RBFOX1: variants seen among roughly 807,000 people sequenced by gnomAD.
RBFOX1 encodes RNA binding fox-1 homolog 1.
RBFOX1 carries 8 observed loss-of-function variants against 57.7 expected under a neutral mutation model. The ratio of observed to expected loss-of-function variants is 0.14; its 90% confidence interval spans 0.08 to 0.25. RBFOX1 has a LOEUF of 0.25. Ranked by LOEUF, RBFOX1 falls within the 10% of genes least tolerant of loss-of-function variation. RBFOX1 has a pLI of 1.00. For missense variants in RBFOX1, 611 were observed against 548.5 expected (o/e 1.11, Z -1.14); for synonymous variants, 326 against 222.4 (o/e 1.47, Z -4.15).
At chr16:5,393,218 G>C (rs958651832) in intron 1 of RBFOX1, among the ~76,000 whole-genome samples, 1 of 152,094 alleles carries the variant, frequency 6.6e-6, no homozygotes, top group African/African-American at 2.4e-5. Context: ...GCTGTTCTGA[G>C]TCACTGTACC....
chr16:6,133,477 C>A (rs935066534), intron 1 of RBFOX1, among the ~76,000 whole-genome samples: 2 of 152,098 alleles, frequency 1.3e-5, no homozygotes, highest in Non-Finnish European at 2.9e-5. Context: ...GCCCAGTGCA[C>A]CACCCTGATT....
chr16:7,185,512 T>G (rs2178717), intron 4 of RBFOX1, among the ~76,000 whole-genome samples: 44,265 of 152,090 alleles, frequency 0.29, 7,956 homozygotes, highest in African/African-American at 0.5. Flanking sequence ...ATAATTCTTA[T>G]GATAACATGG....
chr16:6,804,053 C>G (rs771637690), intron 3 of RBFOX1, among the ~76,000 whole-genome samples: 2 of 151,868 alleles, frequency 1.3e-5, no homozygotes, highest in South Asian at 2.1e-4. Flanking sequence ...GTCACCCTGG[C>G]TAGAGTGCAA....
chr16:5,637,217 A>C (rs571385197), intron 3 of RBFOX1, among the ~76,000 whole-genome samples: 11 of 152,314 alleles, frequency 7.2e-5, no homozygotes, highest in Non-Finnish European at 1.6e-4. Context: ...AATCAGCCTA[A>C]AGTAGGCTTT....
chr16:6,837,821 C>G (rs902378379), intron 3 of RBFOX1, among the ~76,000 whole-genome samples: 1 of 152,084 alleles, frequency 6.6e-6, no homozygotes. Context: ...TGAGGTAGCA[C>G]TTGGGACTCC....
chr16:7,433,156 C>T (rs1055342594), intron 4 of RBFOX1, among the ~76,000 whole-genome samples: 20 of 152,294 alleles, frequency 1.3e-4, no homozygotes, highest in African/African-American at 4.6e-4. Context: ...CTGATCCTCC[C>T]TTCTTTCCTT....
chr16:7,339,087 C>T (rs2096845526), intron 4 of RBFOX1, among the ~76,000 whole-genome samples: 1 of 152,188 alleles, frequency 6.6e-6, no homozygotes, highest in African/African-American at 2.4e-5. Flanking sequence ...TGGAGTCAAA[C>T]AGGTCCAGGT....
intron 4 of RBFOX1, among the ~76,000 whole-genome samples, chr16:7,099,889 G>C (rs1431102672): frequency 6.6e-6 from 1 of 152,096 alleles, no homozygotes; most frequent in Non-Finnish European, 1.5e-5. Flanking sequence ...GTTTTAGGGA[G>C]AATAGACTGT....
intron 3 of RBFOX1, among the ~76,000 whole-genome samples, chr16:7,022,237 G>A (rs186466392): frequency 8.2e-4 from 123 of 150,756 alleles, no homozygotes; most frequent in African/African-American, 2.9e-3. Context: ...TTCTTTGGTA[G>A]AGACGGGATT....
chr16:5,650,103 T>C (rs1418566025), intron 3 of RBFOX1, among the ~76,000 whole-genome samples: 2 of 152,186 alleles, frequency 1.3e-5, no homozygotes, highest in Non-Finnish European at 2.9e-5. Context: ...GGATGAGCTT[T>C]CCTCTCAATA....
chr16:6,753,454 G>A (rs936476865), intron 3 of RBFOX1, among the ~76,000 whole-genome samples: 10 of 152,116 alleles, frequency 6.6e-5, no homozygotes, highest in South Asian at 2.1e-4. Context: ...TTTCAGGACC[G>A]TAGTTGCAGG....
chr16:6,537,883 C>G (rs896519115), intron 2 of RBFOX1, among the ~76,000 whole-genome samples: 7 of 151,220 alleles, frequency 4.6e-5, no homozygotes, highest in African/African-American at 1.5e-4. Context: ...AAATCATTAT[C>G]TGTAGTAATT....
At chr16:6,583,744 C>T (rs564672673) in intron 2 of RBFOX1, among the ~76,000 whole-genome samples, 58 of 152,310 alleles carry the variant, frequency 3.8e-4, no homozygotes, top group African/African-American at 1.4e-3. Flanking sequence ...CATTATTTTT[C>T]AGCAGCCTGC....
At chr16:6,791,939 T>G (rs1355060765) in intron 3 of RBFOX1, among the ~76,000 whole-genome samples, 1 of 152,166 alleles carries the variant, frequency 6.6e-6, no homozygotes, top group Non-Finnish European at 1.5e-5. Context: ...AGACTGGAAC[T>G]TAGGAGAGCC....
chr16:6,783,455 AAT>A (rs1491014777), intron 3 of RBFOX1, among the ~76,000 whole-genome samples: 1 of 150,510 alleles, frequency 6.6e-6, no homozygotes, highest in Non-Finnish European at 1.5e-5. Context: ...AAAAAAAAAA[AAT>A]CTTATAACCA....
chr16:6,652,903 G>T (rs902162485), intron 2 of RBFOX1, among the ~76,000 whole-genome samples: 1 of 152,216 alleles, frequency 6.6e-6, no homozygotes, highest in Non-Finnish European at 1.5e-5. Flanking sequence ...AATTGTTAAT[G>T]ATATTGTATT....
At chr16:5,671,908 C>A (rs141666681) in intron 3 of RBFOX1, among the ~76,000 whole-genome samples, 1 of 152,144 alleles carries the variant, frequency 6.6e-6, no homozygotes, top group African/African-American at 2.4e-5. Context: ...AGATTTAAAT[C>A]AGAGCCATAG....
chr16:5,892,750 A>G (rs1399040083), intron 4 of RBFOX1, among the ~76,000 whole-genome samples: 4 of 152,088 alleles, frequency 2.6e-5, no homozygotes, highest in Non-Finnish European at 5.9e-5. Flanking sequence ...TGGGGAGAAA[A>G]TGGTGCTTTA....
At chr16:6,010,111 G>C (rs1169589152) in intron 4 of RBFOX1, among the ~76,000 whole-genome samples, 1 of 152,068 alleles carries the variant, frequency 6.6e-6, no homozygotes, top group Non-Finnish European at 1.5e-5. Flanking sequence ...AGAATACTGA[G>C]GGTGCTGTGT....
Sources: gnomAD v4.1 joint callset for allele counts (sites outside exome capture counted in the v4.1 genomes callset) on GRCh38, gnomAD v4.1.1 for gene constraint, MANE v1.5 for transcripts, NCBI Gene and HGNC (gene_info 2026-07-23, HGNC 2026-07-21) for gene names.